DMD: variants seen among roughly 807,000 people sequenced by gnomAD.
The protein encoded by DMD is dystrophin, also known as mutant dystrophin.
In DMD, 63 loss-of-function variants were observed where a neutral mutation model predicts 330.1. The ratio of observed to expected loss-of-function variants is 0.19; its 90% CI spans 0.16 to 0.24. DMD has a LOEUF of 0.24. Ranked by LOEUF, DMD falls within the 10% of genes least tolerant of loss-of-function variation. DMD has a pLI of 1.00. For missense variants in DMD, 3,344 were observed against 2,684.1 expected (o/e 1.25, Z -5.43); for synonymous variants, 1,223 against 959.8 (o/e 1.27, Z -5.07).
At chrX:32,177,754 TTAA>T (rs1216818888) in intron 44 of DMD, among the ~76,000 whole-genome samples, 1 of 111,168 alleles carries the variant, frequency 9.0e-6, no homozygotes, top group Admixed American at 9.7e-5. Flanking sequence ...CTAGTTATAA[TTAA>T]TAATAATAAT....
intron 7 of DMD, among the ~76,000 whole-genome samples, chrX:32,766,716 G>A (rs1302976823): frequency 9.0e-6 from 1 of 111,268 alleles, no homozygotes; most frequent in Admixed American, 9.6e-5. Flanking sequence ...TGCACAGCAT[G>A]AATATAGTTA....
chrX:32,139,779 G>A (rs2096743708), intron 44 of DMD, among the ~76,000 whole-genome samples: 1 of 112,141 alleles, frequency 8.9e-6, no homozygotes, highest in Non-Finnish European at 1.9e-5. Context: ...GTGAGTCTAT[G>A]AATATTTCAC....
At chrX:31,783,528 C>G (rs1312042160) in intron 50 of DMD, among the ~76,000 whole-genome samples, 1 of 111,476 alleles carries the variant, frequency 9.0e-6, no homozygotes, top group African/African-American at 3.3e-5. Context: ...TCAGAATCAT[C>G]TTTTCCTTCC....
At chrX:32,772,496 T>C (rs2073715331) in intron 7 of DMD, among the ~76,000 whole-genome samples, 1 of 112,409 alleles carries the variant, frequency 8.9e-6, no homozygotes, top group Admixed American at 9.4e-5. Context: ...ATTAACCACA[T>C]TGCACAAATG....
At chrX:31,609,963 T>G (rs768100035) in intron 55 of DMD, among the ~76,000 whole-genome samples, 1 of 111,207 alleles carries the variant, frequency 9.0e-6, no homozygotes, top group South Asian at 3.9e-4. Flanking sequence ...CCTTGGGTTA[T>G]CAGACTTTAC....
intron 47 of DMD, among the ~76,000 whole-genome samples, chrX:31,919,759 C>T (rs2094661847): frequency 8.9e-6 from 1 of 112,036 alleles, no homozygotes; most frequent in Admixed American, 9.5e-5. Context: ...GGGAGAAAAA[C>T]CAAATTTCTC....
intron 5 of DMD, among the ~76,000 whole-genome samples, chrX:32,817,652 G>A (rs1190133916): frequency 1.8e-5 from 2 of 111,681 alleles, no homozygotes; most frequent in East Asian, 5.6e-4. Flanking sequence ...GAAGGTTAAG[G>A]TTCATATACT....
chrX:33,300,994 T>C (rs1397172561), intron 1 of DMD, among the ~76,000 whole-genome samples: 1 of 111,933 alleles, frequency 8.9e-6, no homozygotes, highest in African/African-American at 3.2e-5. Context: ...GTATTTCTTA[T>C]AGCAAAGAGA....
chrX:32,840,123 G>T (rs903292760), intron 4 of DMD, among the ~76,000 whole-genome samples: 1 of 111,922 alleles, frequency 8.9e-6, no homozygotes, highest in African/African-American at 3.2e-5. Context: ...GTCCTCTAAC[G>T]CATAGGCCAG....
chrX:32,647,885 C>A (rs1300281262), intron 9 of DMD, among the ~76,000 whole-genome samples: 1 of 111,733 alleles, frequency 8.9e-6, no homozygotes, highest in East Asian at 2.8e-4. Context: ...AAAATACGCC[C>A]CCAAAAATGT....
chrX:31,732,883 A>G (rs1328136964), intron 51 of DMD, among the ~76,000 whole-genome samples: 1 of 111,808 alleles, frequency 8.9e-6, no homozygotes, highest in Non-Finnish European at 1.9e-5. Context: ...ATATGATCCC[A>G]GATATTTGTG....
chrX:32,822,384 A>G (rs913019949), intron 5 of DMD, among the ~76,000 whole-genome samples: 2 of 110,998 alleles, frequency 1.8e-5, no homozygotes, highest in Non-Finnish European at 3.8e-5. Context: ...ATATATACAC[A>G]TACATATTTA....
intron 63 of DMD, among the ~76,000 whole-genome samples, chrX:31,241,287 G>A (rs1258465797): frequency 1.8e-5 from 2 of 111,257 alleles, no homozygotes; most frequent in African/African-American, 3.3e-5. Context: ...AAAAGTACAC[G>A]TAAATCCCTG....
Position 32,554,965 on chromosome X carries a change from AAGAG to A in DMD, c.1993-9635_1993-9632del, listed in dbSNP as rs201281719. 5.4e-3 allele frequency among the ~76,000 whole-genome samples: 527 copies of A among 96,748 alleles called. 22 individuals are homozygous for A. Among genetic ancestry groups the A allele is most frequent in the South Asian group, 0.012 (23 of 1,916 alleles). 84.0% of individuals were successfully genotyped at this position (96,748 alleles called of 115,157 possible). A position where few individuals can be genotyped will look rare whatever the true frequency, so the allele number is the denominator to read the frequency against. ...AGAGAGAGAGAGGGAGAGAGAAAGAAAGAGAGAGAGAGAGAGAGAAAGAAAGAGA... is the reference window on the plus strand; with the variant it reads ...AGAGAGAGAGAGGGAGAGAGAAAGAAAGAGAGAGAGAGAGAAAGAAAGAGA... On this transcript the variant is annotated intron_variant, in intron 16 of 78. Coordinates refer to ENST00000357033, the MANE Select transcript of DMD (RefSeq NM_004006.3).
chrX:33,302,763 T>C (rs754063195), intron 1 of DMD, among the ~76,000 whole-genome samples: 79 of 111,608 alleles, frequency 7.1e-4, no homozygotes, highest in Non-Finnish European at 1.2e-3. Flanking sequence ...GATGAACCTA[T>C]ATTGACAAAT....
At chrX:32,478,990 T>A (rs182760) in intron 21 of DMD, among the ~76,000 whole-genome samples, 30 of 109,865 alleles carry the variant, frequency 2.7e-4, no homozygotes, top group African/African-American at 8.6e-4. Flanking sequence ...CAGGTAAGTC[T>A]CATTTTTCTG....
intron 41 of DMD, among the ~76,000 whole-genome samples, chrX:32,335,614 C>T (rs1427509417): frequency 9.6e-6 from 1 of 104,104 alleles, no homozygotes; most frequent in Non-Finnish European, 1.9e-5. Context: ...CATTATAAAA[C>T]AAACATGTTA....
At chrX:32,835,414 A>G (rs138179066) in intron 4 of DMD, among the ~76,000 whole-genome samples, 1,708 of 112,742 alleles carry the variant, frequency 0.015, 35 homozygotes, top group African/African-American at 0.052. Flanking sequence ...AGGATTTTGT[A>G]TTTTGTTCGC....
At chrX:31,146,849 A>G (rs1487582710) in intron 75 of DMD, among the ~76,000 whole-genome samples, 4 of 112,190 alleles carry the variant, frequency 3.6e-5, no homozygotes, top group African/African-American at 1.3e-4. Context: ...TCCTCTTACA[A>G]TGCAGTATCT....
Sources: allele counts gnomAD v4.1 joint callset (sites outside exome capture counted in the v4.1 genomes callset), GRCh38; gene constraint gnomAD v4.1.1; transcripts MANE v1.5; gene names NCBI Gene and HGNC (gene_info 2026-07-23, HGNC 2026-07-21).